Variants in TVP23C observed in about 807,000 individuals in gnomAD.
The protein encoded by TVP23C is trans-golgi network vesicle protein 23 homolog C.
Under a neutral mutation model 28.7 loss-of-function variants are expected in TVP23C, and 19 were observed. The ratio of observed to expected loss-of-function variants is 0.66; its 90% CI spans 0.46 to 0.97. The LOEUF is 0.97. Ranked by LOEUF, TVP23C falls within the 50% of genes least tolerant of loss-of-function variation. The pLI, the probability that TVP23C is intolerant of heterozygous loss-of-function variation, is 0.00. For synonymous variants in TVP23C, 68 were observed against 81.7 expected (o/e 0.83, Z 0.90); for missense variants, 186 against 241.3 (o/e 0.77, Z 1.52).
At chr17:15,506,718 G>C in intron 5 of TVP23C, 1 of 355,204 alleles carries the variant, frequency 2.8e-6, no homozygotes, top group South Asian at 2.4e-5. Flanking sequence ...GAACCCACCA[G>C]AAGGAAGAAA....
At chr17:15,553,895 G>C in intron 2 of TVP23C, 66 bp from the exon 3 acceptor site, 1 of 1,602,324 alleles carries the variant, frequency 6.2e-7, no homozygotes, top group South Asian at 1.1e-5. Context: ...CAAATGTAGA[G>C]AAAAATGTTT....
intron 5 of TVP23C, among the ~76,000 whole-genome samples, chr17:15,515,719 G>A (rs1271143957): frequency 3.3e-5 from 5 of 152,086 alleles, no homozygotes; most frequent in Non-Finnish European, 5.9e-5. Context: ...TTCACCACGC[G>A]CTTCCCTTGC....
downstream of TVP23C, chr17:15,536,879 T>C (rs1221112826): frequency 1.3e-5 from 2 of 153,110 alleles, no homozygotes; most frequent in African/African-American, 4.9e-5. Flanking sequence ...TCCTGCAATC[T>C]GTTTTCCTTG....
At chr17:15,504,406 G>A (rs1205426852) in intron 5 of TVP23C, among the ~76,000 whole-genome samples, 1 of 152,170 alleles carries the variant, frequency 6.6e-6, no homozygotes, top group Non-Finnish European at 1.5e-5. Context: ...TCTGGACAAG[G>A]CTAAGATTTA....
intron 5 of TVP23C, among the ~76,000 whole-genome samples, chr17:15,507,605 G>A (rs181246066): frequency 1.7e-3 from 257 of 152,296 alleles, no homozygotes; most frequent in East Asian, 0.012. Flanking sequence ...TTGGGAGGCC[G>A]ACGCAGGCGG....
intron 5 of TVP23C, 123 bp downstream of exon 5, chr17:15,545,662 C>G (rs1200618843): frequency 7.2e-7 from 1 of 1,381,688 alleles, no homozygotes; most frequent in Non-Finnish European, 9.5e-7. Context: ...TTGGGAATTA[C>G]ATGATGAAGC....
intron 3 of TVP23C, among the ~76,000 whole-genome samples, chr17:15,550,189 T>C (rs1317069511): frequency 1.3e-5 from 2 of 152,164 alleles, no homozygotes; most frequent in African/African-American, 4.8e-5. Flanking sequence ...CTGAATTCAG[T>C]TTTTGACATA....
In TVP23C at chr17:15,551,785, C is replaced by T. The variant is rs138290488; in HGVS notation, c.240+1900G>A. ...CCAGGGAAACCAAAAGATTGGACAC[C>T]CAGGGGTTTAGATGAAGATTGATTT... On this transcript the variant is annotated intron_variant, in intron 3 of 5. Transcript: ENST00000518321. Among the ~76,000 whole-genome samples the T allele has an allele frequency of 3.1e-3, 475 of 152,020 alleles. 2 individuals carry two copies. The highest frequency in any genetic ancestry group is 0.017 in the Middle Eastern group (5 of 294).
intron 1 of TVP23C, among the ~76,000 whole-genome samples, chr17:15,559,650 C>G (rs1291287706): frequency 6.7e-6 from 1 of 148,540 alleles, no homozygotes; most frequent in South Asian, 2.2e-4. Flanking sequence ...ACTTTAATCA[C>G]GAGGCCAAGA....
intron 5 of TVP23C, chr17:15,507,259 A>G: frequency 1.3e-6 from 1 of 741,330 alleles, no homozygotes; most frequent in Non-Finnish European, 2.5e-6. Flanking sequence ...AAGGTGAGAG[A>G]AGGCATGAAT....
chr17:15,503,940 G>A (rs1461558374), intron 5 of TVP23C, among the ~76,000 whole-genome samples: 1 of 152,110 alleles, frequency 6.6e-6, no homozygotes, highest in Admixed American at 6.5e-5. Flanking sequence ...GTGGGAGGAA[G>A]TGAATGAAGT....
In TVP23C at chr17:15,538,548, C is replaced by T. The variant is rs374176158; in HGVS notation, c.*1864G>A. 473 of 927,094 alleles carry T rather than the reference C, an allele frequency of 5.1e-4. 3 individuals carry two copies. In the African/African-American group the frequency reaches 8.1e-3, roughly 16 times the overall value. The allele number at this position is 927,094 out of a possible 1,614,324, so 57.4% of individuals were successfully genotyped here. On this transcript the variant is annotated 3_prime_UTR_variant, in exon 6 of 6. Coordinates refer to ENST00000518321, the MANE Select transcript of TVP23C (RefSeq NM_001135036.2). The stretch of plus-strand genomic sequence containing the variant: ...GAGTTTGCAGTGAGCCGAGATCGCG[C>T]CACTGCACTCCAGCCTGGGCAAACA...
rs561703790 is a variant in TVP23C, at chr17:15,514,610, A to G, written c.463-11378T>C. Among the ~76,000 whole-genome samples, 5 of 152,360 alleles carry G rather than the reference A, an allele frequency of 3.3e-5. No individual in the cohort carries two copies. In the South Asian group the frequency reaches 8.3e-4, roughly 25 times the overall value. Reference sequence around the variant, plus strand: ...AGGTCAGGGAAATAGGCAAGCTGACATCAGTGTGGCAGAGTATAATGTAGG... The same window carrying G: ...AGGTCAGGGAAATAGGCAAGCTGACGTCAGTGTGGCAGAGTATAATGTAGG... On this transcript the variant is annotated intron_variant, in intron 5 of 5. Transcript: ENST00000225576.
chr17:15,527,409 T>C (rs1034776801), intron 5 of TVP23C, among the ~76,000 whole-genome samples: 3 of 152,150 alleles, frequency 2.0e-5, no homozygotes, highest in Non-Finnish European at 4.4e-5. Flanking sequence ...TTTTGCTGCA[T>C]TTGGATTATC....
At chr17:15,508,176 C>T (rs141058722) in intron 5 of TVP23C, among the ~76,000 whole-genome samples, 24 of 152,306 alleles carry the variant, frequency 1.6e-4, no homozygotes, top group Non-Finnish European at 3.1e-4. Flanking sequence ...GGAGGTACTC[C>T]TCTGCTGGGT....
chr17:15,539,884 G>A lies in TVP23C; in HGVS notation c.*528C>T, dbSNP rs1983335180. ...TGAGGTGGGCAGATCACAAGGTCAT[G>A]AGATGGAGACCATCCTGGCTAACAT... On this transcript the variant is annotated 3_prime_UTR_variant, in exon 6 of 6. Transcript: ENST00000518321. 1.3e-6 allele frequency: 1 copy of A among 762,060 alleles called. No homozygotes were observed. The highest frequency in any genetic ancestry group is 1.6e-6 in the Non-Finnish European group (1 of 626,368). The allele number at this position is 762,060 out of a possible 1,614,324, so 47.2% of individuals were successfully genotyped here.
chr17:15,526,503 G>C (rs1982734438), intron 5 of TVP23C, among the ~76,000 whole-genome samples: 2 of 152,172 alleles, frequency 1.3e-5, no homozygotes, highest in African/African-American at 4.8e-5. Context: ...TGTCTTGCTT[G>C]ATCTCTGGTA....
At chr17:15,522,870 C>T (rs961619132) in intron 5 of TVP23C, among the ~76,000 whole-genome samples, 5 of 152,112 alleles carry the variant, frequency 3.3e-5, no homozygotes, top group African/African-American at 1.2e-4. Context: ...TGGTGAAACC[C>T]CATCTCTACA....
At chr17:15,508,046 G>GA (rs1326695137) in intron 5 of TVP23C, among the ~76,000 whole-genome samples, 1 of 152,164 alleles carries the variant, frequency 6.6e-6, no homozygotes, top group Non-Finnish European at 1.5e-5. Flanking sequence ...CAGGCAAGGA[G>GA]AATCATCTCT....
Sources: gnomAD v4.1 joint callset for allele counts (sites outside exome capture counted in the v4.1 genomes callset) on GRCh38, gnomAD v4.1.1 for gene constraint, MANE v1.5 for transcripts, NCBI Gene and HGNC (gene_info 2026-07-23, HGNC 2026-07-21) for gene names.